Variants in DGKZ observed in about 807,000 individuals in gnomAD.
DGKZ encodes the protein DAG kinase zeta.
Under a neutral mutation model 142.5 loss-of-function variants are expected in DGKZ, and 45 were observed. That is an observed-to-expected ratio of 0.32 (90% CI 0.25 to 0.40). DGKZ has a LOEUF of 0.40. DGKZ is among the 10% of genes least tolerant of loss of function. The pLI is 1.00. For missense variants in DGKZ, 755 were observed against 1,306.5 expected, an observed-to-expected ratio of 0.58 and a Z score of 6.51; for synonymous variants, 442 against 527.0, an observed-to-expected ratio of 0.84 and a Z score of 2.21.
intron 14 of DGKZ, 130 bp from the exon 15 acceptor site, chr11:46,374,027 C>A (rs1944272479): frequency 3.1e-6 from 3 of 955,108 alleles, no homozygotes; most frequent in Middle Eastern, 5.6e-4. Flanking sequence ...TGGGCTGAGC[C>A]CTAGCGGACG....
At chr11:46,374,188 G>T (rs1348703925) in exon 15 of DGKZ, 1 of 1,614,166 alleles carries the variant, frequency 6.2e-7, no homozygotes, top group Admixed American at 1.7e-5. Context: ...AACTACTTCA[G>T]CCTGGGCTTT....
intron 1 of DGKZ, among the ~76,000 whole-genome samples, chr11:46,360,151 A>T (rs189311179): frequency 2.6e-5 from 4 of 152,200 alleles, no homozygotes; most frequent in Admixed American, 2.6e-4. Context: ...GCTGCCTTCT[A>T]TTAGGCCAGA....
At chr11:46,365,187 TCCTG>T in intron 1 of DGKZ, 1 of 985,300 alleles carries the variant, frequency 1.0e-6, no homozygotes, top group Middle Eastern at 5.2e-4. Context: ...TGCCCACAGC[TCCTG>T]CCTGCCTGCA....
upstream of DGKZ, among the ~76,000 whole-genome samples, chr11:46,345,894 G>A (rs1940565034): frequency 6.6e-6 from 1 of 152,150 alleles, no homozygotes; most frequent in Non-Finnish European, 1.5e-5. This position sits in a 1 kb window ranked among gnomAD's most constrained non-coding sequence, Gnocchi z 4.1. Flanking sequence ...AAGGCCTTGT[G>A]GAGACTCCGT....
intron 1 of DGKZ, chr11:46,366,333 T>G: frequency 6.4e-7 from 1 of 1,563,096 alleles, no homozygotes; most frequent in South Asian, 1.2e-5. Flanking sequence ...CCCAGCAGCG[T>G]GGGGCTGCCC....
chr11:46,338,321 T>A (rs1482029331), intron 1 of DGKZ, among the ~76,000 whole-genome samples: 1 of 151,508 alleles, frequency 6.6e-6, no homozygotes. Flanking sequence ...CGTGGTTAAA[T>A]CCCACCTCTA....
intron 1 of DGKZ, among the ~76,000 whole-genome samples, chr11:46,362,442 GC>G (rs1391604393): frequency 1.3e-5 from 2 of 152,160 alleles, no homozygotes; most frequent in Non-Finnish European, 1.5e-5. Flanking sequence ...TGGGTTCCTG[GC>G]CTCACTGTGG....
intron 22 of DGKZ, 25 bp from the exon 23 acceptor site, chr11:46,376,303 G>A: frequency 1.2e-6 from 2 of 1,613,688 alleles, no homozygotes; most frequent in Non-Finnish European, 1.7e-6. Flanking sequence ...CTCTATCCCA[G>A]CCTGGCCTTT....
At chr11:46,360,875 G>A (rs1942567147) in intron 1 of DGKZ, among the ~76,000 whole-genome samples, 1 of 152,176 alleles carries the variant, frequency 6.6e-6, no homozygotes, top group African/African-American at 2.4e-5. Flanking sequence ...GTCAGGACTG[G>A]GAGTTGGGGG....
intron 1 of DGKZ, among the ~76,000 whole-genome samples, chr11:46,350,097 CTTTG>C (rs1272653697): frequency 6.6e-6 from 1 of 152,106 alleles, no homozygotes; most frequent in Non-Finnish European, 1.5e-5. Context: ...AAGGAGTGTC[CTTTG>C]TTTGGGAGCA....
At chr11:46,341,910 A>C (rs1267164354) in intron 1 of DGKZ, among the ~76,000 whole-genome samples, 2 of 152,168 alleles carry the variant, frequency 1.3e-5, no homozygotes, top group Non-Finnish European at 2.9e-5. Flanking sequence ...GCCTGGACAA[A>C]GAGGCGGAAA....
Position 46,367,611 on chromosome 11 carries a change from G to C in DGKZ, c.271-41G>C. 1 of 1,556,890 alleles carries C rather than the reference G, an allele frequency of 6.4e-7. No individual in the cohort carries two copies. The highest frequency in any genetic ancestry group is 1.2e-5 in the South Asian group (1 of 82,410). On this transcript the variant is annotated intron_variant, in intron 2 of 30. Transcript: ENST00000527911. The surrounding 1 kb of genome is among the most constrained non-coding windows in gnomAD (Gnocchi z 4.1). Reference sequence around the variant, plus strand: ...GCGGGGGCTGATGGGAGGGAGGGCTGGGCGGCCAGCGTGTGCTGAGCAAGC... The same window carrying C: ...GCGGGGGCTGATGGGAGGGAGGGCTCGGCGGCCAGCGTGTGCTGAGCAAGC...
chr11:46,365,626 C>G lies in DGKZ; in HGVS notation c.162-1665C>G, dbSNP rs996088536. On this transcript the variant is annotated intron_variant, in intron 1 of 30. Coordinates refer to ENST00000527911, the Ensembl canonical transcript of DGKZ. ...TTCCAGGAGTCACCTTCAGCCTGACCCCAAGGCTATGGGCTGAGAGACTCT... is the reference window on the plus strand; with the variant it reads ...TTCCAGGAGTCACCTTCAGCCTGACGCCAAGGCTATGGGCTGAGAGACTCT... 6 of 985,228 alleles carry G rather than the reference C, an allele frequency of 6.1e-6. No homozygotes were observed. In the African/African-American group the frequency reaches 7.0e-5, roughly 11 times the overall value. The allele number at this position is 985,228 out of a possible 1,614,324, so 61.0% of individuals were successfully genotyped here. A position where few individuals can be genotyped will look rare whatever the true frequency, so the allele number is the denominator to read the frequency against.
chr11:46,371,401 C>A lies in DGKZ; in HGVS notation c.642+17C>A. On this transcript the variant is annotated intron_variant, in intron 7 of 30. Transcript: ENST00000527911. ...AAGCAGGCAGTGAGTGGTGCCCCCG[C>A]CCCCAGGGCCAGGCCCTGCACTGCT... is the stretch of plus-strand genomic sequence containing the variant. 6.2e-7 allele frequency: 1 copy of A among 1,612,928 alleles called. No homozygotes were observed. Among genetic ancestry groups the A allele is most frequent in the Non-Finnish European group, 8.5e-7 (1 of 1,179,482 alleles).
At chr11:46,380,357 C>G (rs1262094993), downstream of DGKZ, 4 of 160,420 alleles carry the variant, frequency 2.5e-5, no homozygotes, top group Non-Finnish European at 5.5e-5. Context: ...CCCACCCCAC[C>G]TCCTCCGGGC....
At chr11:46,341,946 G>C (rs1940299052) in intron 1 of DGKZ, among the ~76,000 whole-genome samples, 1 of 152,164 alleles carries the variant, frequency 6.6e-6, no homozygotes, top group African/African-American at 2.4e-5. Context: ...AGAACGTAAG[G>C]AGCCGCGAAG....
intron 1 of DGKZ, among the ~76,000 whole-genome samples, chr11:46,341,816 G>C (rs1364896857): frequency 1.3e-5 from 2 of 152,190 alleles, no homozygotes; most frequent in African/African-American, 4.8e-5. Flanking sequence ...ATGCGAAAAG[G>C]GGGAGGAGGG....
intron 1 of DGKZ, among the ~76,000 whole-genome samples, chr11:46,362,917 T>C (rs572123654): frequency 3.3e-5 from 5 of 152,330 alleles, no homozygotes; most frequent in Admixed American, 3.3e-4. Context: ...CCAGGCCCTG[T>C]CCTTGTCAGG....
chr11:46,356,399 C>T (rs920656130), intron 1 of DGKZ, among the ~76,000 whole-genome samples: 2 of 152,152 alleles, frequency 1.3e-5, no homozygotes, highest in Admixed American at 6.5e-5. Context: ...CCAGACCATG[C>T]GCTGTTCCCT....
Sources: allele counts gnomAD v4.1 joint callset (sites outside exome capture counted in the v4.1 genomes callset), GRCh38; gene constraint gnomAD v4.1.1; non-coding constraint Gnocchi (gnomAD v3.1); transcripts MANE v1.5; gene names NCBI Gene and HGNC (gene_info 2026-07-23, HGNC 2026-07-21).